PLEKHA6: variants seen among roughly 807,000 people sequenced by gnomAD.
The protein encoded by PLEKHA6 is pleckstrin homology domain containing A6, also known as pleckstrin homology domain-containing family A member 6.
PLEKHA6 carries 60 observed loss-of-function variants against 116.7 expected under a neutral mutation model. The ratio of observed to expected loss-of-function variants is 0.51; its 90% CI spans 0.42 to 0.64. PLEKHA6 has a LOEUF of 0.64. Ranked by LOEUF, PLEKHA6 falls within the 30% of genes least tolerant of loss-of-function variation. The pLI, the probability that PLEKHA6 is intolerant of heterozygous loss-of-function variation, is 0.00. For missense variants in PLEKHA6, 1,338 were observed against 1,422.7 expected, an observed-to-expected ratio of 0.94 and a Z score of 0.96; for synonymous variants, 489 against 556.1, an observed-to-expected ratio of 0.88 and a Z score of 1.70.
At chr1:204,295,362 C>T (rs985685797) in intron 1 of PLEKHA6, among the ~76,000 whole-genome samples, 7 of 151,954 alleles carry the variant, frequency 4.6e-5, no homozygotes, top group South Asian at 2.1e-4. Flanking sequence ...TGGTGGCACA[C>T]GCCTGTAGTC....
At chr1:204,245,427 C>T (rs2102600275) in intron 14 of PLEKHA6, among the ~76,000 whole-genome samples, 188 bp downstream of exon 14, 1 of 152,182 alleles carries the variant, frequency 6.6e-6, no homozygotes, top group East Asian at 1.9e-4. Flanking sequence ...TTTATTTGGT[C>T]TATTCTGTGG....
chr1:204,227,396 T>G lies in PLEKHA6; in HGVS notation c.3031+687A>C, dbSNP rs996748713. 4.6e-5 allele frequency among the ~76,000 whole-genome samples: 7 copies of G among 152,300 alleles called. No individual in the cohort carries two copies. In the East Asian group the frequency reaches 1.4e-3, roughly 29 times the overall value. On this transcript the variant is annotated intron_variant, in intron 21 of 22. Transcript: ENST00000272203. ...CTTTAACCCTCCCATTCATACAGAA[T>G]CTCTTTCATTCTTAAAAGCTCAACT... is the stretch of plus-strand genomic sequence containing the variant.
At position 204,359,530 on chromosome 1, in the gene PLEKHA6, C is replaced by G. The variant is rs78057803; in HGVS notation, c.-95+164G>C. The G allele has an allele frequency of 3.9e-4, 311 of 807,784 alleles. 7 individuals carry two copies. In the East Asian group the frequency reaches 0.03, roughly 79 times the overall value. The allele number at this position is 807,784 out of a possible 1,614,324, so 50.0% of individuals were successfully genotyped here. On this transcript the variant is annotated intron_variant, in intron 1 of 22. Transcript: ENST00000272203. ...GGGCTATAATTAGCATTCTCAGCATCCATGATCCCCAAGTAAGGCTGCCAA... is the reference window on the plus strand; with the variant it reads ...GGGCTATAATTAGCATTCTCAGCATGCATGATCCCCAAGTAAGGCTGCCAA...
At chr1:204,347,287 A>G in intron 1 of PLEKHA6, 1 of 899,964 alleles carries the variant, frequency 1.1e-6, no homozygotes, top group South Asian at 1.3e-5. Flanking sequence ...GATGGCAGTT[A>G]TGGCCGAAAG....
At chr1:204,274,934 C>T (rs1222149336) in intron 1 of PLEKHA6, 125 bp from the exon 2 acceptor site, 2 of 954,076 alleles carry the variant, frequency 2.1e-6, no homozygotes, top group Non-Finnish European at 2.5e-6. Flanking sequence ...TGCCTCTGTC[C>T]TCCAGGGGGA....
intron 2 of PLEKHA6, among the ~76,000 whole-genome samples, chr1:204,370,393 G>A (rs1673750993): frequency 1.3e-5 from 2 of 152,342 alleles, no homozygotes; most frequent in Non-Finnish European, 2.9e-5. Context: ...GCTGGAAGGC[G>A]AGAGGGGGAA....
intron 17 of PLEKHA6, 68 bp from the exon 18 acceptor site, chr1:204,230,654 C>A: frequency 7.4e-7 from 1 of 1,350,886 alleles, no homozygotes; most frequent in Non-Finnish European, 1.0e-6. Context: ...CATCCTGAAC[C>A]CTTAACATTT....
rs190536669 is a variant in PLEKHA6 at position 204,257,540 on chromosome 1, C to A, written c.1337G>T (p.Arg446Leu). 5.0e-6 allele frequency: 8 copies of A among 1,594,306 alleles called. No individual in the cohort carries two copies. The Admixed American group carries it at 1.0e-4, about 21-fold the overall frequency. ...ELDAASSSLR[R>L]LSLQPRSHSV... ...GTGGGAGCGGGGCTGCAGGGACAGG[C>A]GGCGCAGGGAGCTAGAGGCGGCATC... Residue 446 changes from arginine (R) to leucine (L), a missense_variant, in exon 9 of 23, where the codon CGC becomes CTC. Physicochemically the swap from Arg to Leu is moderately radical, Grantham distance 102. Transcript: ENST00000272203. This position sits in a 1 kb window ranked among gnomAD's most constrained non-coding sequence, Gnocchi z 6.5.
intron 1 of PLEKHA6, among the ~76,000 whole-genome samples, chr1:204,319,753 A>G (rs1205540245): frequency 6.6e-6 from 1 of 152,216 alleles, no homozygotes; most frequent in Non-Finnish European, 1.5e-5. Context: ...TATCTGGCAT[A>G]TAAACATTTC....
At chr1:204,294,820 C>T (rs915350014) in intron 1 of PLEKHA6, among the ~76,000 whole-genome samples, 1 of 152,110 alleles carries the variant, frequency 6.6e-6, no homozygotes, top group Admixed American at 6.5e-5. Context: ...ATTATACCCA[C>T]AAAAAATTTA....
upstream of PLEKHA6, among the ~76,000 whole-genome samples, chr1:204,363,757 T>C (rs1486565777): frequency 1.3e-5 from 2 of 152,062 alleles, no homozygotes; most frequent in African/African-American, 4.8e-5. Context: ...CCCTGTCACC[T>C]CCGAGAAGGC....
At chr1:204,256,845 A>G in intron 9 of PLEKHA6, 1 of 668,324 alleles carries the variant, frequency 1.5e-6, no homozygotes, top group Non-Finnish European at 2.7e-6. Context: ...GTTGTAGGGG[A>G]ACAGTCCTGC....
At chr1:204,271,165 A>C (rs1188782577) in intron 3 of PLEKHA6, among the ~76,000 whole-genome samples, 1 of 152,108 alleles carries the variant, frequency 6.6e-6, no homozygotes, top group Non-Finnish European at 1.5e-5. Flanking sequence ...GTGTTAGTGT[A>C]TTTTATGTGT....
rs114431365 is a variant in PLEKHA6 at position 204,316,307 on chromosome 1, G to A, written c.-94-41498C>T. Among the ~76,000 whole-genome samples, 1,244 of 152,316 alleles carry A rather than the reference G, an allele frequency of 8.2e-3. 18 individuals are homozygous for A. The highest frequency in any genetic ancestry group is 0.028 in the African/African-American group (1,151 of 41,558). On this transcript the variant is annotated intron_variant, in intron 1 of 22. Transcript: ENST00000272203. ...GGTTGGGTAAGAACCTGACTTTCTCGATACAGGATGTGGAGAGTGGGTGTT... is the reference window on the plus strand; with the variant it reads ...GGTTGGGTAAGAACCTGACTTTCTCAATACAGGATGTGGAGAGTGGGTGTT...
intron 1 of PLEKHA6, among the ~76,000 whole-genome samples, chr1:204,351,560 T>A (rs1673281874): frequency 6.6e-6 from 1 of 152,176 alleles, no homozygotes. Context: ...GTGGTAAAAA[T>A]CATAAGGAAG....
chr1:204,315,134 T>C (rs1671807155), intron 1 of PLEKHA6, among the ~76,000 whole-genome samples: 1 of 152,186 alleles, frequency 6.6e-6, no homozygotes, highest in African/African-American at 2.4e-5. Context: ...ATAGTAAGAA[T>C]CACTTGAAAT....
chr1:204,293,621 A>G (rs1328792000), intron 1 of PLEKHA6, among the ~76,000 whole-genome samples: 2 of 152,130 alleles, frequency 1.3e-5, no homozygotes, highest in East Asian at 3.8e-4. Flanking sequence ...GAATGTTACT[A>G]TTTTGTTCTT....
At chr1:204,365,474 G>A (rs1050547668) in intron 3 of PLEKHA6, among the ~76,000 whole-genome samples, 8 of 152,162 alleles carry the variant, frequency 5.3e-5, no homozygotes. Context: ...CATGGGGGAG[G>A]CATGAGAGCG....
chr1:204,289,365 T>A (rs545956207), intron 1 of PLEKHA6, among the ~76,000 whole-genome samples: 1 of 151,902 alleles, frequency 6.6e-6, no homozygotes, highest in Non-Finnish European at 1.5e-5. Context: ...CCCAGAGGAG[T>A]GATTTGGCTA....
Sources: gnomAD v4.1 joint callset for allele counts (sites outside exome capture counted in the v4.1 genomes callset) on GRCh38, gnomAD v4.1.1 for gene constraint, Gnocchi (gnomAD v3.1) non-coding constraint, MANE v1.5 for transcripts, NCBI Gene and HGNC (gene_info 2026-07-23, HGNC 2026-07-21) for gene names.